ROR1: variants seen among roughly 807,000 people sequenced by gnomAD.
ROR1 encodes the protein inactive tyrosine-protein kinase transmembrane receptor ROR1.
In ROR1, 19 loss-of-function variants were observed where a neutral mutation model predicts 78.8. That is an observed-to-expected ratio of 0.24 (90% CI 0.17 to 0.35). ROR1 has a LOEUF of 0.35. ROR1 is among the 10% of genes least tolerant of loss of function. The pLI is 1.00. For missense variants in ROR1, 917 were observed against 1,177.8 expected, an observed-to-expected ratio of 0.78 and a Z score of 3.24; for synonymous variants, 386 against 433.6, an observed-to-expected ratio of 0.89 and a Z score of 1.36.
At chr1:64,013,034 G>C (rs909416513) in intron 2 of ROR1, among the ~76,000 whole-genome samples, 1 of 152,112 alleles carries the variant, frequency 6.6e-6, no homozygotes, top group East Asian at 1.9e-4. Flanking sequence ...GTGACTTTTA[G>C]CAAGCCTCTC....
intron 2 of ROR1, among the ~76,000 whole-genome samples, chr1:64,011,546 T>G (rs530668596): frequency 2.0e-5 from 3 of 152,196 alleles, no homozygotes; most frequent in Non-Finnish European, 4.4e-5. Flanking sequence ...CCTGCCAGAC[T>G]TGGAATTTCT....
chr1:64,175,283 C>A (rs904394078), intron 8 of ROR1, among the ~76,000 whole-genome samples: 1 of 152,042 alleles, frequency 6.6e-6, no homozygotes, highest in Non-Finnish European at 1.5e-5. Flanking sequence ...CAGCATCCAG[C>A]ATTAACTGTT....
intron 1 of ROR1, among the ~76,000 whole-genome samples, chr1:63,808,512 A>G (rs1382923978): frequency 6.6e-6 from 1 of 152,210 alleles, no homozygotes; most frequent in Admixed American, 6.5e-5. Flanking sequence ...CCTAGTCTGT[A>G]TTCTGATCAA....
intron 4 of ROR1, among the ~76,000 whole-genome samples, chr1:64,115,614 A>C (rs1345466140): frequency 1.3e-5 from 2 of 151,176 alleles, no homozygotes; most frequent in Non-Finnish European, 3.0e-5. Flanking sequence ...ATATATGTGT[A>C]TATATATATA....
At chr1:63,788,840 C>G (rs1191397377) in intron 1 of ROR1, 1 of 696,882 alleles carries the variant, frequency 1.4e-6, no homozygotes, top group Non-Finnish European at 2.6e-6. Context: ...ACCTGGTTAG[C>G]CAGGAGCTTC....
At chr1:63,863,667 A>G (rs1006958635) in intron 1 of ROR1, among the ~76,000 whole-genome samples, 55 of 151,952 alleles carry the variant, frequency 3.6e-4, no homozygotes, top group African/African-American at 1.3e-3. Flanking sequence ...TTTATTTGTG[A>G]TAAGTTTCAC....
At chr1:64,080,045 A>T (rs1186327834) in intron 4 of ROR1, among the ~76,000 whole-genome samples, 2 of 152,164 alleles carry the variant, frequency 1.3e-5, no homozygotes, top group Non-Finnish European at 2.9e-5. Context: ...GGATGACTAA[A>T]GGAGGAGCCT....
chr1:64,152,617 G>C (rs1649659766), intron 7 of ROR1, among the ~76,000 whole-genome samples: 1 of 152,042 alleles, frequency 6.6e-6, no homozygotes, highest in South Asian at 2.1e-4. Context: ...TCTAATCATG[G>C]ATTTTATAAA....
At chr1:63,804,667 C>A (rs892185791) in intron 1 of ROR1, among the ~76,000 whole-genome samples, 1 of 152,196 alleles carries the variant, frequency 6.6e-6, no homozygotes, top group East Asian at 1.9e-4. Context: ...GATACAAGTG[C>A]AGAACGTGTA....
intron 1 of ROR1, among the ~76,000 whole-genome samples, chr1:63,916,485 T>A (rs1210766590): frequency 6.6e-6 from 1 of 152,202 alleles, no homozygotes; most frequent in Non-Finnish European, 1.5e-5. Flanking sequence ...AATACAAGAT[T>A]GAATGAGTTT....
intron 1 of ROR1, among the ~76,000 whole-genome samples, chr1:63,897,435 C>A (rs1410930501): frequency 1.3e-5 from 2 of 152,116 alleles, no homozygotes; most frequent in Non-Finnish European, 1.5e-5. Context: ...TGTTCATATT[C>A]AATAAACAGG....
intron 4 of ROR1, among the ~76,000 whole-genome samples, chr1:64,121,320 G>A (rs1265699850): frequency 4.6e-5 from 7 of 151,712 alleles, no homozygotes; most frequent in Non-Finnish European, 8.8e-5. Context: ...TTGATCAGAA[G>A]GTAAACACCT....
intron 1 of ROR1, among the ~76,000 whole-genome samples, chr1:63,978,120 G>A (rs776086527): frequency 6.6e-6 from 1 of 152,152 alleles, no homozygotes; most frequent in Non-Finnish European, 1.5e-5. Flanking sequence ...TATCTGGTTA[G>A]TAGCCCAACT....
intron 1 of ROR1, among the ~76,000 whole-genome samples, chr1:63,945,338 G>C (rs1030517940): frequency 6.6e-6 from 1 of 152,026 alleles, no homozygotes; most frequent in Admixed American, 6.6e-5. Flanking sequence ...AATATTTTCT[G>C]TGTGTGATTC....
intron 1 of ROR1, among the ~76,000 whole-genome samples, chr1:63,808,846 T>A (rs572571894): frequency 3.3e-5 from 5 of 152,124 alleles, no homozygotes; most frequent in Admixed American, 3.3e-4. Context: ...TTTATGTTTT[T>A]TTTTTTTTAA....
intron 1 of ROR1, among the ~76,000 whole-genome samples, chr1:63,989,258 T>C (rs1428017764): frequency 6.6e-6 from 1 of 151,844 alleles, no homozygotes; most frequent in Non-Finnish European, 1.5e-5. Flanking sequence ...TGTGGGAATT[T>C]GAACAAATTA....
intron 1 of ROR1, among the ~76,000 whole-genome samples, chr1:63,979,739 C>A (rs1646192539): frequency 6.6e-6 from 1 of 152,024 alleles, no homozygotes; most frequent in Non-Finnish European, 1.5e-5. Flanking sequence ...CTGGAAAGGG[C>A]ACATGATGAA....
chr1:63,891,825 A>G (rs905859359), intron 1 of ROR1, among the ~76,000 whole-genome samples: 1 of 152,044 alleles, frequency 6.6e-6, no homozygotes, highest in African/African-American at 2.4e-5. Flanking sequence ...TGCTACCCTA[A>G]TCCTGGTTCT....
intron 1 of ROR1, among the ~76,000 whole-genome samples, chr1:63,860,310 G>A (rs1299856042): frequency 6.6e-6 from 1 of 152,096 alleles, no homozygotes; most frequent in Admixed American, 6.5e-5. Flanking sequence ...TCTGTAAGGA[G>A]AAATGCTCAA....
Sources: gnomAD v4.1 joint callset for allele counts (sites outside exome capture counted in the v4.1 genomes callset) on GRCh38, gnomAD v4.1.1 for gene constraint, MANE v1.5 for transcripts, NCBI Gene and HGNC (gene_info 2026-07-23, HGNC 2026-07-21) for gene names.